Variants in ROR1 observed in about 807,000 individuals in gnomAD.
ROR1 encodes the protein inactive tyrosine-protein kinase transmembrane receptor ROR1.
A neutral mutation model predicts 78.8 loss-of-function variants in ROR1; 19 were observed. That is an observed-to-expected ratio of 0.24 (90% confidence interval 0.17 to 0.35). The LOEUF (loss-of-function observed/expected upper bound fraction) is 0.35, where lower values mean the gene tolerates loss of function less well. Ranked by LOEUF, ROR1 falls within the 10% of genes least tolerant of loss-of-function variation. The pLI is 1.00. For missense variants in ROR1, 917 were observed against 1,177.8 expected (o/e 0.78, Z 3.24); for synonymous variants, 386 against 433.6 (o/e 0.89, Z 1.36).
chr1:63,981,628 C>T (rs1045402186), intron 1 of ROR1, among the ~76,000 whole-genome samples: 7 of 152,108 alleles, frequency 4.6e-5, no homozygotes, highest in Admixed American at 3.9e-4. Flanking sequence ...GTCTTGAGAG[C>T]TGGTGTCCTG....
intron 1 of ROR1, among the ~76,000 whole-genome samples, chr1:63,839,113 C>T (rs1042259719): frequency 1.3e-5 from 2 of 152,182 alleles, no homozygotes; most frequent in Non-Finnish European, 2.9e-5. Context: ...TGTTAAGTGA[C>T]GCATGGCTGT....
In ROR1 at chr1:64,016,665, T is replaced by C. The variant is rs565943479; in HGVS notation, c.163+7289T>C. ...AACTACTTTTTATAAAAAGAAATGT[T>C]TCTAAACACTGATTTTGTTTGTGTG... On this transcript the variant is annotated intron_variant, in intron 2 of 8. Coordinates refer to ENST00000371079, the MANE Select transcript of ROR1 (RefSeq NM_005012.4). Among the ~76,000 whole-genome samples the C allele has an allele frequency of 7.9e-5, 12 of 151,260 alleles. No individual in the cohort carries two copies. In the South Asian group the frequency reaches 2.5e-3, roughly 32 times the overall value.
chr1:64,163,984 C>G (rs1650017042), intron 8 of ROR1, among the ~76,000 whole-genome samples: 2 of 152,194 alleles, frequency 1.3e-5, no homozygotes, highest in African/African-American at 4.8e-5. Context: ...CCAAGTCTTC[C>G]TCCCCTTTAA....
chr1:63,893,673 C>T (rs999260231), intron 1 of ROR1, among the ~76,000 whole-genome samples: 51 of 152,096 alleles, frequency 3.4e-4, no homozygotes, highest in African/African-American at 9.9e-4. Flanking sequence ...TTCTAAGAAA[C>T]GAAGCAGCTG....
intron 1 of ROR1, among the ~76,000 whole-genome samples, chr1:63,925,730 A>G (rs1645697475): frequency 6.7e-6 from 1 of 149,008 alleles, no homozygotes; most frequent in Admixed American, 6.7e-5. Flanking sequence ...ATGGTATCTC[A>G]TTGTGGTTTT....
chr1:64,130,953 G>A (rs1010053840), intron 4 of ROR1, among the ~76,000 whole-genome samples: 2 of 152,146 alleles, frequency 1.3e-5, no homozygotes, highest in Non-Finnish European at 2.9e-5. Context: ...CTTTTAACCA[G>A]ATCTGCTAAT....
intron 2 of ROR1, among the ~76,000 whole-genome samples, chr1:64,014,773 T>TGTATATATATATATATATATATACAC (rs1646506803): frequency 1.7e-4 from 8 of 47,012 alleles, no homozygotes; most frequent in African/African-American, 4.4e-4. Flanking sequence ...TATATATATA[T>TGTATATATATATATATATATATACAC]ACACATTTTG....
At chr1:63,842,072 C>T (rs1385190797) in intron 1 of ROR1, among the ~76,000 whole-genome samples, 4 of 152,154 alleles carry the variant, frequency 2.6e-5, no homozygotes, top group Non-Finnish European at 4.4e-5. Context: ...CCATTCAAAC[C>T]ACTGTCCAAA....
At chr1:63,993,266 C>T (rs1646310864) in intron 1 of ROR1, among the ~76,000 whole-genome samples, 1 of 152,136 alleles carries the variant, frequency 6.6e-6, no homozygotes, top group African/African-American at 2.4e-5. Flanking sequence ...CCGTAAAACT[C>T]CGGGCATACC....
chr1:63,992,824 T>G (rs1646306642), intron 1 of ROR1, among the ~76,000 whole-genome samples: 1 of 152,218 alleles, frequency 6.6e-6, no homozygotes, highest in African/African-American at 2.4e-5. Flanking sequence ...ATTGCTCTGC[T>G]AATGAGTGTA....
chr1:64,103,267 G>A (rs1180934823), intron 4 of ROR1, among the ~76,000 whole-genome samples: 3 of 151,672 alleles, frequency 2.0e-5, no homozygotes, highest in African/African-American at 7.3e-5. Flanking sequence ...GCTTGATGGG[G>A]ATGGCACGTT....
At chr1:63,823,946 C>T (rs1390600007) in intron 1 of ROR1, among the ~76,000 whole-genome samples, 1 of 151,988 alleles carries the variant, frequency 6.6e-6, no homozygotes, top group African/African-American at 2.4e-5. Context: ...TGGGGTTTCA[C>T]CATGTTGGCC....
At chr1:64,043,160 C>A (rs942795252) in intron 2 of ROR1, among the ~76,000 whole-genome samples, 6 of 152,234 alleles carry the variant, frequency 3.9e-5, no homozygotes, top group Admixed American at 1.3e-4. Context: ...CTTGGCCCCA[C>A]CTTCCTCCCT....
intron 4 of ROR1, among the ~76,000 whole-genome samples, chr1:64,092,008 T>G (rs1422667414): frequency 6.6e-6 from 1 of 152,114 alleles, no homozygotes; most frequent in Non-Finnish European, 1.5e-5. Context: ...TCTTCTCCCC[T>G]TTCAAATTAC....
intron 7 of ROR1, among the ~76,000 whole-genome samples, chr1:64,157,394 C>T (rs1649804949): frequency 6.6e-6 from 1 of 152,088 alleles, no homozygotes; most frequent in Non-Finnish European, 1.5e-5. Flanking sequence ...CTGCCTCAGC[C>T]TCCCAAAGTG....
intron 4 of ROR1, among the ~76,000 whole-genome samples, chr1:64,136,486 C>T (rs968905683): frequency 1.3e-4 from 19 of 151,662 alleles, no homozygotes; most frequent in Non-Finnish European, 1.3e-4. Context: ...GTTCTGCACT[C>T]GAGGGATCTT....
chr1:63,919,346 G>A (rs1425899596), intron 1 of ROR1, among the ~76,000 whole-genome samples: 2 of 152,102 alleles, frequency 1.3e-5, no homozygotes, highest in Non-Finnish European at 2.9e-5. Flanking sequence ...CCGCTACCGA[G>A]AGGTTTTTCT....
intron 4 of ROR1, among the ~76,000 whole-genome samples, chr1:64,053,653 CT>C (rs975016632): frequency 6.6e-6 from 1 of 152,044 alleles, no homozygotes; most frequent in Admixed American, 6.6e-5. Flanking sequence ...TCAAATATAC[CT>C]TTTTAACGTT....
intron 7 of ROR1, among the ~76,000 whole-genome samples, chr1:64,151,521 A>C (rs1314530747): frequency 6.6e-6 from 1 of 152,156 alleles, no homozygotes; most frequent in Admixed American, 6.5e-5. Flanking sequence ...TACTCAGGGG[A>C]AATGTCATCA....
Sources: gnomAD v4.1 joint callset for allele counts (sites outside exome capture counted in the v4.1 genomes callset) on GRCh38, gnomAD v4.1.1 for gene constraint, MANE v1.5 for transcripts, NCBI Gene and HGNC (gene_info 2026-07-23, HGNC 2026-07-21) for gene names.